The following CD53 variants were observed in gnomAD, a reference collection of about 807,000 sequenced individuals.
CD53 encodes CD53 molecule.
A neutral mutation model predicts 27.3 loss-of-function variants in CD53; 20 were observed. That is an observed-to-expected ratio of 0.73 (90% CI 0.52 to 1.07). CD53 has a LOEUF of 1.07. CD53 is among the 50% of genes least tolerant of loss of function. CD53 has a pLI of 0.00. For synonymous variants in CD53, 106 were observed against 105.3 expected (o/e 1.01, Z -0.04); for missense variants, 216 against 264.0 (o/e 0.82, Z 1.26).
chr1:110,893,289 C>T (rs1476533459), intron 3 of CD53, among the ~76,000 whole-genome samples: 1 of 152,090 alleles, frequency 6.6e-6, no homozygotes, highest in African/African-American at 2.4e-5. Context: ...TATGGTTCAA[C>T]ATTTTGGTGG....
At chr1:110,896,094 C>T (rs889574200) in intron 5 of CD53, among the ~76,000 whole-genome samples, 6 of 152,108 alleles carry the variant, frequency 3.9e-5, no homozygotes, top group Non-Finnish European at 7.4e-5. Context: ...TAATAGTACA[C>T]CTCTTTGTTC....
chr1:110,892,325 TGTG>T lies in CD53; in HGVS notation c.64-18_64-16del, dbSNP rs1656885149. The stretch of plus-strand genomic sequence containing the variant: ...AGAACCACATTTTGCTTCAGGATGT[TGTG>T]GGATTCTTCCTTTCAGATCTGTGGC... On this transcript the variant is annotated splice_polypyrimidine_tract_variant and intron_variant, in intron 2 of 7. Coordinates refer to ENST00000271324, the MANE Select transcript of CD53 (RefSeq NM_000560.4). The T allele has an allele frequency of 6.2e-7, 1 of 1,603,132 alleles. No individual in the cohort carries two copies. The highest frequency in any genetic ancestry group is 1.7e-5 in the Admixed American group (1 of 59,994).
At chr1:110,883,971 G>T (rs1002632732) in intron 1 of CD53, among the ~76,000 whole-genome samples, 4 of 151,892 alleles carry the variant, frequency 2.6e-5, no homozygotes, top group Non-Finnish European at 4.4e-5. Context: ...TTCTAAAAGA[G>T]CCAACTTTTG....
At chr1:110,898,221 C>G (rs1424249616) in intron 7 of CD53, among the ~76,000 whole-genome samples, 1 of 151,722 alleles carries the variant, frequency 6.6e-6, no homozygotes, top group Non-Finnish European at 1.5e-5. Flanking sequence ...ACTAAAAATA[C>G]AAAAAATTAA....
intron 7 of CD53, among the ~76,000 whole-genome samples, chr1:110,898,137 G>A (rs2101069580): frequency 1.3e-5 from 2 of 152,240 alleles, no homozygotes; most frequent in East Asian, 3.9e-4. Context: ...CAGCACTTTG[G>A]GAGGCTGAGG....
intron 1 of CD53, among the ~76,000 whole-genome samples, chr1:110,890,291 G>A (rs1279621408): frequency 6.6e-6 from 1 of 152,202 alleles, no homozygotes; most frequent in Non-Finnish European, 1.5e-5. Flanking sequence ...TTCTGGCCAG[G>A]TGCGGTAGCT....
intron 1 of CD53, among the ~76,000 whole-genome samples, chr1:110,883,960 C>T (rs1656463813): frequency 6.6e-6 from 1 of 151,872 alleles, no homozygotes; most frequent in Non-Finnish European, 1.5e-5. Flanking sequence ...TTTTATCAGT[C>T]TTCTAAAAGA....
intron 6 of CD53, 195 bp from the exon 7 acceptor site, chr1:110,897,614 C>A: frequency 2.1e-6 from 1 of 472,236 alleles, no homozygotes; most frequent in Non-Finnish European, 3.8e-6. Context: ...ATGATAACAC[C>A]ACCAGAAAAG....
chr1:110,873,964 C>T lies in CD53; in HGVS notation c.-18+716C>T, dbSNP rs559938701. 5.9e-5 allele frequency among the ~76,000 whole-genome samples: 9 copies of T among 152,224 alleles called. No homozygotes were observed. The East Asian group carries it at 1.5e-3, about 26-fold the overall frequency. ...TGAAATGCACGTATAAAATGCAATC[C>T]CCAAAACTTGATACTGCAGTAATTT... is the stretch of plus-strand genomic sequence containing the variant. On this transcript the variant is annotated intron_variant, in intron 1 of 7. Coordinates refer to ENST00000271324, the MANE Select transcript of CD53 (RefSeq NM_000560.4).
At chr1:110,872,065 G>A (rs1245005366), upstream of CD53, among the ~76,000 whole-genome samples, 2 of 152,098 alleles carry the variant, frequency 1.3e-5, no homozygotes, top group Non-Finnish European at 2.9e-5. Context: ...AGGCATGCCC[G>A]CAAGTCAGCA....
chr1:110,893,613 C>T (rs924044844), intron 3 of CD53, among the ~76,000 whole-genome samples: 5 of 152,212 alleles, frequency 3.3e-5, no homozygotes, highest in African/African-American at 7.2e-5. Flanking sequence ...TAAGCCACTG[C>T]GCCCAGTCTG....
At chr1:110,896,527 A>G in intron 5 of CD53, 126 bp from the exon 6 acceptor site, 1 of 819,826 alleles carries the variant, frequency 1.2e-6, no homozygotes, top group Non-Finnish European at 2.0e-6. Flanking sequence ...GCCCATAGCA[A>G]TCAGACCAAT....
rs1366782469 is a variant in CD53, at chr1:110,899,264, G to T, written c.*69G>T. On this transcript the variant is annotated 3_prime_UTR_variant, in exon 8 of 8. Coordinates refer to ENST00000271324, the MANE Select transcript of CD53 (RefSeq NM_000560.4). ...AATGCAAAACCATTTATAGCATGAAGCCCTACATGATCACTGCAGGATGAT... is the reference window on the plus strand; with the variant it reads ...AATGCAAAACCATTTATAGCATGAATCCCTACATGATCACTGCAGGATGAT... 3.6e-6 allele frequency: 4 copies of T among 1,107,268 alleles called. No homozygotes were observed. In the East Asian group the frequency reaches 9.4e-5, roughly 26 times the overall value. 68.6% of individuals were successfully genotyped at this position (1,107,268 alleles called of 1,614,324 possible).
At chr1:110,871,813 C>T (rs1263277037), upstream of CD53, among the ~76,000 whole-genome samples, 1 of 17,504 alleles carries the variant, frequency 5.7e-5, no homozygotes, top group Admixed American at 6.6e-4. Context: ...CCAAGAGAAA[C>T]TACACACACA....
intron 1 of CD53, among the ~76,000 whole-genome samples, chr1:110,874,289 C>T (rs1253753528): frequency 1.3e-5 from 2 of 152,182 alleles, no homozygotes; most frequent in African/African-American, 4.8e-5. Context: ...GTTTATTGAG[C>T]CTTGTATTAA....
intron 2 of CD53, among the ~76,000 whole-genome samples, 191 bp downstream of exon 2, chr1:110,891,662 A>G (rs1462000796): frequency 1.3e-5 from 2 of 152,158 alleles, no homozygotes; most frequent in Non-Finnish European, 2.9e-5. Context: ...TGCAAAATTG[A>G]AAGGTACCAG....
upstream of CD53, among the ~76,000 whole-genome samples, chr1:110,871,273 A>G (rs754643998): frequency 9.9e-5 from 15 of 152,150 alleles, no homozygotes; most frequent in Non-Finnish European, 1.6e-4. Context: ...AAAGATAAAG[A>G]CTAATGTAAT....
At chr1:110,893,483 C>T (rs1248984355) in intron 3 of CD53, among the ~76,000 whole-genome samples, 3 of 152,072 alleles carry the variant, frequency 2.0e-5, no homozygotes, top group Admixed American at 6.5e-5. Flanking sequence ...CCACCATGTC[C>T]GGCTAATTCT....
intron 1 of CD53, among the ~76,000 whole-genome samples, chr1:110,886,869 A>ATATATATATATATATATTTT (rs1298376721): frequency 1.6e-4 from 13 of 82,772 alleles, no homozygotes; most frequent in African/African-American, 4.3e-4. Flanking sequence ...ATATATATAT[A>ATATATATATATATATATTTT]TTTTTTTTTT....
Sources: gnomAD v4.1 joint callset for allele counts (sites outside exome capture counted in the v4.1 genomes callset) on GRCh38, gnomAD v4.1.1 for gene constraint, MANE v1.5 for transcripts, NCBI Gene and HGNC (gene_info 2026-07-23, HGNC 2026-07-21) for gene names.